ENOX2: variants seen among roughly 807,000 people sequenced by gnomAD.
The protein encoded by ENOX2 is ecto-NOX disulfide-thiol exchanger 2.
A neutral mutation model predicts 45.0 loss-of-function variants in ENOX2; 36 were observed. That is an observed-to-expected ratio of 0.80 (90% CI 0.61 to 1.06). The LOEUF (loss-of-function observed/expected upper bound fraction) is 1.06. Ranked by LOEUF, ENOX2 falls within the 50% of genes least tolerant of loss-of-function variation. The probability of loss-of-function intolerance (pLI) is 0.00; values close to 1 mark genes in which losing one functional copy is unlikely to be tolerated. For missense variants in ENOX2, 423 were observed against 462.5 expected (o/e 0.91, Z 0.78); for synonymous variants, 174 against 152.3 (o/e 1.14, Z -1.05).
chrX:130,722,929 A>C (rs1332828805), intron 3 of ENOX2, among the ~76,000 whole-genome samples: 3 of 112,475 alleles, frequency 2.7e-5, no homozygotes, highest in Non-Finnish European at 3.8e-5. Context: ...GAGTAAGCTG[A>C]ATCTGCTGTC....
At chrX:130,718,973 G>A (rs887496444) in intron 3 of ENOX2, among the ~76,000 whole-genome samples, 5 of 111,873 alleles carry the variant, frequency 4.5e-5, no homozygotes, top group Admixed American at 9.4e-5. Flanking sequence ...AACTCAAATC[G>A]AAATGTATGC....
chrX:130,876,959 G>A (rs1270307250), intron 2 of ENOX2, among the ~76,000 whole-genome samples: 1 of 112,046 alleles, frequency 8.9e-6, no homozygotes, highest in African/African-American at 3.2e-5. Context: ...TGAGGATGGA[G>A]TAGATATAGG....
chrX:130,838,369 C>T (rs984570649), intron 2 of ENOX2, among the ~76,000 whole-genome samples: 2 of 111,286 alleles, frequency 1.8e-5, no homozygotes, highest in African/African-American at 3.3e-5. Context: ...GGGACAAGAG[C>T]GAAACTCTGT....
chrX:130,686,178 C>G (rs2037443723), intron 5 of ENOX2, among the ~76,000 whole-genome samples: 1 of 110,887 alleles, frequency 9.0e-6, no homozygotes, highest in South Asian at 4.0e-4. Flanking sequence ...CTGCCCAATT[C>G]TCATGTAGAA....
At chrX:130,687,078 C>T (rs1463526114) in intron 5 of ENOX2, among the ~76,000 whole-genome samples, 1 of 111,786 alleles carries the variant, frequency 8.9e-6, no homozygotes, top group Non-Finnish European at 1.9e-5. Flanking sequence ...GATGTCAGTC[C>T]GTTTCTTTTA....
chrX:130,789,116 G>A (rs947932743), intron 2 of ENOX2, among the ~76,000 whole-genome samples: 1 of 111,725 alleles, frequency 9.0e-6, no homozygotes, highest in African/African-American at 3.3e-5. Context: ...TGGAACTAGG[G>A]GGTTAAACAT....
chrX:130,698,207 T>C (rs1318948387), intron 4 of ENOX2, among the ~76,000 whole-genome samples: 2 of 112,168 alleles, frequency 1.8e-5, no homozygotes, highest in Non-Finnish European at 3.8e-5. Flanking sequence ...AGTAAAGTAC[T>C]TCTGTAATAT....
At chrX:130,734,366 T>G (rs1050975193) in intron 3 of ENOX2, among the ~76,000 whole-genome samples, 3 of 111,278 alleles carry the variant, frequency 2.7e-5, no homozygotes, top group Non-Finnish European at 5.7e-5. Flanking sequence ...TTAAGCAGAG[T>G]GGATCTCAGG....
intron 3 of ENOX2, among the ~76,000 whole-genome samples, chrX:130,715,819 C>G (rs1373286432): frequency 8.9e-6 from 1 of 111,849 alleles, no homozygotes; most frequent in Non-Finnish European, 1.9e-5. Context: ...TTTTCTACAT[C>G]TGAGAAATGG....
chrX:130,826,888 T>C (rs1197332077), intron 2 of ENOX2, among the ~76,000 whole-genome samples: 1 of 111,752 alleles, frequency 8.9e-6, no homozygotes, highest in Non-Finnish European at 1.9e-5. Context: ...ACTCACTTAT[T>C]GGGGCTTGGA....
At chrX:130,735,313 T>C (rs902132841) in intron 3 of ENOX2, among the ~76,000 whole-genome samples, 1 of 112,372 alleles carries the variant, frequency 8.9e-6, no homozygotes, top group Non-Finnish European at 1.9e-5. Flanking sequence ...CTTTGGGCCA[T>C]TATGTTCTCC....
At chrX:130,882,444 G>A (rs1324926516) in intron 2 of ENOX2, among the ~76,000 whole-genome samples, 1 of 110,785 alleles carries the variant, frequency 9.0e-6, no homozygotes, top group African/African-American at 3.3e-5. Context: ...AAATGGAGTC[G>A]GGAGAGAGTA....
At chrX:130,660,941 T>C (rs1383149559) in intron 9 of ENOX2, among the ~76,000 whole-genome samples, 1 of 111,977 alleles carries the variant, frequency 8.9e-6, no homozygotes, top group African/African-American at 3.2e-5. Flanking sequence ...CAATGTACTT[T>C]CATATAGAAT....
At chrX:130,696,540 T>C (rs767838408) in intron 4 of ENOX2, among the ~76,000 whole-genome samples, 34 of 112,401 alleles carry the variant, frequency 3.0e-4, no homozygotes, top group Non-Finnish European at 6.2e-4. Context: ...ATAGGAAGTC[T>C]ATCACCTCAG....
intron 2 of ENOX2, among the ~76,000 whole-genome samples, chrX:130,786,304 T>C (rs1247887296): frequency 8.9e-6 from 1 of 112,480 alleles, no homozygotes; most frequent in African/African-American, 3.2e-5. Context: ...ATTTGAGTAC[T>C]ATACTACAGA....
chrX:130,798,655 C>A (rs2077171271), intron 2 of ENOX2, among the ~76,000 whole-genome samples: 1 of 112,263 alleles, frequency 8.9e-6, no homozygotes, highest in African/African-American at 3.2e-5. Flanking sequence ...TACCTTAGTT[C>A]TAGAAGAACC....
At chrX:130,760,374 TAAC>T (rs1382664557) in intron 3 of ENOX2, among the ~76,000 whole-genome samples, 1 of 111,729 alleles carries the variant, frequency 9.0e-6, no homozygotes, top group Non-Finnish European at 1.9e-5. Flanking sequence ...TGGCTAAAAC[TAAC>T]AACATTATGT....
Position 130,769,590 on chromosome X carries a change from A to G in ENOX2, c.-39+13957T>C, listed in dbSNP as rs1446083412. Reference sequence around the variant, plus strand: ...AATTCCTAGGAAAGTGTTTTTCATCAGTGGAAGGAAATAATTTCTAGTTAC... The same window carrying G: ...AATTCCTAGGAAAGTGTTTTTCATCGGTGGAAGGAAATAATTTCTAGTTAC... On this transcript the variant is annotated intron_variant, in intron 3 of 14. Coordinates refer to ENST00000394363, the MANE Select transcript of ENOX2 (RefSeq NM_006375.4). Among the ~76,000 whole-genome samples, 9 of 111,766 alleles carry G rather than the reference A, an allele frequency of 8.1e-5. No individual in the cohort carries two copies. The East Asian group carries it at 2.3e-3, about 28-fold the overall frequency.
chrX:130,674,549 G>C (rs1025867723), intron 6 of ENOX2, among the ~76,000 whole-genome samples: 1 of 111,065 alleles, frequency 9.0e-6, no homozygotes, highest in African/African-American at 3.3e-5. Flanking sequence ...CCAAGCACGA[G>C]AAACAAGAAG....
Sources: allele counts gnomAD v4.1 joint callset (sites outside exome capture counted in the v4.1 genomes callset), GRCh38; gene constraint gnomAD v4.1.1; transcripts MANE v1.5; gene names NCBI Gene and HGNC (gene_info 2026-07-23, HGNC 2026-07-21).